TMEM232: variants seen among roughly 807,000 people sequenced by gnomAD.
TMEM232 encodes the protein transmembrane protein 232.
Under a neutral mutation model 78.8 loss-of-function variants are expected in TMEM232, and 80 were observed. The ratio of observed to expected loss-of-function variants is 1.01; its 90% CI spans 0.85 to 1.22. TMEM232 has a LOEUF of 1.22. TMEM232 is among the 50% of genes most tolerant of loss of function. The probability of loss-of-function intolerance (pLI) is 0.00; values close to 1 mark genes in which losing one functional copy is unlikely to be tolerated. For synonymous variants in TMEM232, 297 were observed against 254.3 expected (o/e 1.17, Z -1.60); for missense variants, 881 against 742.2 (o/e 1.19, Z -2.17).
chr5:110,562,786 T>A (rs1775900158), intron 11 of TMEM232, among the ~76,000 whole-genome samples: 1 of 152,026 alleles, frequency 6.6e-6, no homozygotes, highest in South Asian at 2.1e-4. Flanking sequence ...AAATTTTATA[T>A]AATTTTGTAC....
At chr5:110,398,951 G>A (rs143157066) in intron 2 of TMEM232, among the ~76,000 whole-genome samples, 119 of 152,184 alleles carry the variant, frequency 7.8e-4, no homozygotes, top group African/African-American at 2.8e-3. Context: ...AGCATCTTTG[G>A]GGCCCATTAC....
chr5:110,521,315 G>GT (rs1055964727), intron 12 of TMEM232, among the ~76,000 whole-genome samples: 2 of 152,064 alleles, frequency 1.3e-5, no homozygotes, highest in East Asian at 1.9e-4. Flanking sequence ...AGACCTGAGA[G>GT]TTTTTTTGGC....
chr5:110,529,108 G>A (rs752036561), intron 11 of TMEM232, among the ~76,000 whole-genome samples: 24 of 151,918 alleles, frequency 1.6e-4, no homozygotes, highest in African/African-American at 4.1e-4. Context: ...TTTGATATAC[G>A]TGCCGTGTAA....
chr5:110,518,824 T>G (rs892591272), intron 12 of TMEM232, among the ~76,000 whole-genome samples: 2 of 152,232 alleles, frequency 1.3e-5, no homozygotes, highest in African/African-American at 4.8e-5. Context: ...CCCACATGAT[T>G]TAGCACCTTC....
chr5:110,656,145 A>C (rs1789023908), intron 2 of TMEM232, among the ~76,000 whole-genome samples: 1 of 152,216 alleles, frequency 6.6e-6, no homozygotes, highest in Non-Finnish European at 1.5e-5. Context: ...AACTTTTTCA[A>C]GACAACAAAT....
At chr5:110,439,403 T>C (rs973979486) in intron 12 of TMEM232, among the ~76,000 whole-genome samples, 5 of 152,100 alleles carry the variant, frequency 3.3e-5, no homozygotes, top group African/African-American at 1.2e-4. Flanking sequence ...GTCTGCTCAC[T>C]GAGAGTTAAA....
chr5:110,652,294 G>GCGCACACACA lies in TMEM232; in HGVS notation c.126-9924_126-9923insTGTGTGTGCG, dbSNP rs1554069154. ...CAAGCACACAAAAGTGCACGCGCGC[G>GCGCACACACA]CACACACACACACACACACACACAC... On this transcript the variant is annotated intron_variant, in intron 2 of 13. Coordinates refer to ENST00000455884, the MANE Select transcript of TMEM232 (RefSeq NM_001039763.4). Among the ~76,000 whole-genome samples the GCGCACACACA allele has an allele frequency of 9.9e-3, 1,436 of 145,438 alleles. 18 individuals carry two copies. The highest frequency in any genetic ancestry group is 0.029 in the African/African-American group (1,121 of 38,918).
chr5:110,621,159 G>A lies in TMEM232; in HGVS notation c.769-2597C>T, dbSNP rs150662258. Among the ~76,000 whole-genome samples the A allele has an allele frequency of 1.3e-3, 190 of 151,642 alleles. 2 individuals are homozygous for A. Among genetic ancestry groups the A allele is most frequent in the African/African-American group, 3.8e-3 (155 of 41,298 alleles). On this transcript the variant is annotated intron_variant, in intron 7 of 13. Transcript: ENST00000455884. ...ATTACAGGCATGAGCCACCATGCCC[G>A]GCCCATCAAGCAATCTTCAGCAAGA...
chr5:110,663,408 C>T (rs1790073521), intron 2 of TMEM232, among the ~76,000 whole-genome samples: 1 of 151,724 alleles, frequency 6.6e-6, no homozygotes, highest in Non-Finnish European at 1.5e-5. Flanking sequence ...GTAATTCTAA[C>T]AGCAACAAAC....
At chr5:110,416,988 T>C (rs1756240529), downstream of TMEM232, among the ~76,000 whole-genome samples, 1 of 152,224 alleles carries the variant, frequency 6.6e-6, no homozygotes, top group South Asian at 2.1e-4. Context: ...TACTACAGTA[T>C]TCTAACACTA....
At chr5:110,695,668 A>G (rs1438638642) in intron 1 of TMEM232, among the ~76,000 whole-genome samples, 8 of 152,226 alleles carry the variant, frequency 5.3e-5, no homozygotes, top group Non-Finnish European at 1.2e-4. Context: ...AGAATACTAT[A>G]AACACCTCTA....
At chr5:110,633,779 C>A (rs750649985) in intron 5 of TMEM232, among the ~76,000 whole-genome samples, 1 of 152,074 alleles carries the variant, frequency 6.6e-6, no homozygotes, top group Non-Finnish European at 1.5e-5. Context: ...TTCTTTATAG[C>A]AGTGTGAAAA....
At chr5:110,734,368 G>C (rs1161524344) in intron 2 of TMEM232, among the ~76,000 whole-genome samples, 1 of 152,144 alleles carries the variant, frequency 6.6e-6, no homozygotes, top group Non-Finnish European at 1.5e-5. Flanking sequence ...AGCCAACTGA[G>C]CAAAGCCTCT....
chr5:110,415,282 G>T (rs1489870378), downstream of TMEM232, among the ~76,000 whole-genome samples: 1 of 151,520 alleles, frequency 6.6e-6, no homozygotes, highest in Non-Finnish European at 1.5e-5. Context: ...CTGCCTCCCA[G>T]GTTCACGCCA....
At chr5:110,691,439 A>G (rs1034600011) in intron 1 of TMEM232, among the ~76,000 whole-genome samples, 2 of 152,228 alleles carry the variant, frequency 1.3e-5, no homozygotes, top group Non-Finnish European at 2.9e-5. Context: ...ATTGTCCATG[A>G]ATTCTTGTAT....
intron 11 of TMEM232, among the ~76,000 whole-genome samples, chr5:110,557,191 A>T (rs574227297): frequency 6.6e-6 from 1 of 152,192 alleles, no homozygotes; most frequent in South Asian, 2.1e-4. Context: ...TATGTTATGA[A>T]ATTTTTCTAG....
intron 12 of TMEM232, among the ~76,000 whole-genome samples, chr5:110,459,008 CAA>C (rs1473841207): frequency 3.3e-5 from 5 of 151,978 alleles, no homozygotes; most frequent in African/African-American, 1.2e-4. Context: ...ATTAGGGTAA[CAA>C]AAATTAATTT....
chr5:110,686,665 T>A (rs1793454388), intron 1 of TMEM232, among the ~76,000 whole-genome samples: 1 of 152,170 alleles, frequency 6.6e-6, no homozygotes, highest in Non-Finnish European at 1.5e-5. Context: ...CAAATTTTAC[T>A]TCAGTACAAA....
At chr5:110,466,649 G>C (rs1465832615) in intron 12 of TMEM232, among the ~76,000 whole-genome samples, 1 of 147,128 alleles carries the variant, frequency 6.8e-6, no homozygotes, top group Non-Finnish European at 1.5e-5. Flanking sequence ...GTCTTGCTCT[G>C]TTGCCCAGGC....
Sources: gnomAD v4.1 joint callset for allele counts (sites outside exome capture counted in the v4.1 genomes callset) on GRCh38, gnomAD v4.1.1 for gene constraint, MANE v1.5 for transcripts, NCBI Gene and HGNC (gene_info 2026-07-23, HGNC 2026-07-21) for gene names.